Variants in LIMCH1 observed in about 807,000 individuals in gnomAD.
LIMCH1 encodes LIM and calponin homology domains 1.
In LIMCH1, 113 loss-of-function variants were observed where a neutral mutation model predicts 176.5. The ratio of observed to expected loss-of-function variants is 0.64; its 90% CI spans 0.55 to 0.75. The LOEUF (loss-of-function observed/expected upper bound fraction) is 0.75. LIMCH1 is among the 30% of genes least tolerant of loss of function. The probability of loss-of-function intolerance (pLI) is 0.00; values close to 1 mark genes in which losing one functional copy is unlikely to be tolerated. For missense variants in LIMCH1, 1,674 were observed against 1,814.9 expected (o/e 0.92, Z 1.41); for synonymous variants, 619 against 645.9 (o/e 0.96, Z 0.63).
chr4:41,572,288 G>A (rs2083682548), intron 1 of LIMCH1, among the ~76,000 whole-genome samples: 1 of 152,020 alleles, frequency 6.6e-6, no homozygotes, highest in African/African-American at 2.4e-5. Context: ...CACAGTTCGG[G>A]GGTTTAGAAA....
Position 41,577,183 on chromosome 4 carries a change from A to G in LIMCH1, c.-240-21737A>G, listed in dbSNP as rs895681309. 4.0e-5 allele frequency among the ~76,000 whole-genome samples: 6 copies of G among 151,560 alleles called. No homozygotes were observed. In the South Asian group the frequency reaches 1.2e-3, roughly 32 times the overall value. The stretch of plus-strand genomic sequence containing the variant: ...CAAATACTTCTGGAAATACGTATAA[A>G]AAACTGAAAATATTAGTTGTTTTAG... On this transcript the variant is annotated intron_variant, in intron 1 of 31. Transcript: ENST00000503057.
intron 1 of LIMCH1, among the ~76,000 whole-genome samples, chr4:41,434,763 A>G (rs2154138019): frequency 6.6e-6 from 1 of 152,302 alleles, no homozygotes; most frequent in South Asian, 2.1e-4. Context: ...ATGATCCGCC[A>G]GTCTTGGCCT....
At chr4:41,416,638 A>G (rs1002586020) in intron 1 of LIMCH1, among the ~76,000 whole-genome samples, 2 of 150,162 alleles carry the variant, frequency 1.3e-5, no homozygotes, top group Non-Finnish European at 3.0e-5. Flanking sequence ...AGCCTGGGCA[A>G]CAAACTAAGA....
intron 2 of LIMCH1, among the ~76,000 whole-genome samples, chr4:41,506,762 A>G (rs900814120): frequency 6.6e-6 from 1 of 152,196 alleles, no homozygotes; most frequent in Non-Finnish European, 1.5e-5. Context: ...TTCTTTCTTT[A>G]TACTTTCATA....
chr4:41,614,421 T>C (rs2091832426), intron 5 of LIMCH1, among the ~76,000 whole-genome samples: 1 of 152,232 alleles, frequency 6.6e-6, no homozygotes, highest in Admixed American at 6.5e-5. Flanking sequence ...GGTTTGGTTC[T>C]ACATATTCTA....
chr4:41,369,831 C>T (rs2053675294), intron 1 of LIMCH1, among the ~76,000 whole-genome samples: 1 of 152,054 alleles, frequency 6.6e-6, no homozygotes, highest in Non-Finnish European at 1.5e-5. Context: ...TCCCCACTGC[C>T]TGAGCGCTTT....
At chr4:41,671,884 CAAAAAAAAAAAAAA>C (rs34994833) in intron 22 of LIMCH1, among the ~76,000 whole-genome samples, 2 of 52,354 alleles carry the variant, frequency 3.8e-5, no homozygotes, top group South Asian at 6.5e-4. Flanking sequence ...GACTTCGTCT[CAAAAAAAAAAAAAA>C]AAAAAAAAAG....
chr4:41,653,252 G>A (rs990708536), intron 18 of LIMCH1, among the ~76,000 whole-genome samples: 1 of 151,064 alleles, frequency 6.6e-6, no homozygotes, highest in South Asian at 2.1e-4. Context: ...CACTTCTCCA[G>A]TAAACCTACT....
intron 1 of LIMCH1, among the ~76,000 whole-genome samples, chr4:41,484,615 C>T (rs1008511877): frequency 6.6e-6 from 1 of 152,208 alleles, no homozygotes; most frequent in Non-Finnish European, 1.5e-5. Flanking sequence ...TACAGATTAT[C>T]TTCAGTGAAC....
At chr4:41,695,801 G>T (rs2153100799) in intron 31 of LIMCH1, among the ~76,000 whole-genome samples, 1 of 151,886 alleles carries the variant, frequency 6.6e-6, no homozygotes, top group South Asian at 2.1e-4. Flanking sequence ...GATGTCCTAA[G>T]AAATAAATAT....
chr4:41,664,812 C>A (rs1354416640), intron 20 of LIMCH1, among the ~76,000 whole-genome samples: 1 of 152,164 alleles, frequency 6.6e-6, no homozygotes, highest in East Asian at 1.9e-4. Flanking sequence ...AAAGTGTTTT[C>A]AGGACTTCTT....
intron 1 of LIMCH1, among the ~76,000 whole-genome samples, chr4:41,379,186 T>G (rs1342883852): frequency 6.6e-6 from 1 of 152,186 alleles, no homozygotes; most frequent in Non-Finnish European, 1.5e-5. Context: ...AACAAGATGT[T>G]GGCTGGGCAG....
exon 3 of LIMCH1, chr4:41,524,428 C>A: frequency 6.2e-7 from 1 of 1,613,806 alleles, no homozygotes; most frequent in Non-Finnish European, 8.5e-7. Flanking sequence ...TGCTATAAAG[C>A]CAGGACTTGT....
intron 1 of LIMCH1, among the ~76,000 whole-genome samples, chr4:41,447,944 C>T (rs1357323199): frequency 2.0e-5 from 3 of 152,204 alleles, no homozygotes; most frequent in Non-Finnish European, 4.4e-5. Context: ...GCATGCACCA[C>T]CACGCCTGGC....
At chr4:41,534,890 A>G (rs1225075078), upstream of LIMCH1, among the ~76,000 whole-genome samples, 2 of 152,152 alleles carry the variant, frequency 1.3e-5, no homozygotes, top group Non-Finnish European at 2.9e-5. Context: ...AGACCGGTGC[A>G]GTGGCTCATG....
chr4:41,437,478 G>C (rs1257848386), intron 1 of LIMCH1, among the ~76,000 whole-genome samples: 1 of 152,188 alleles, frequency 6.6e-6, no homozygotes, highest in African/African-American at 2.4e-5. Context: ...GATGGCATTT[G>C]TAACAGATAG....
chr4:41,633,706 T>A lies in LIMCH1; in HGVS notation c.1988T>A (p.Leu663His). Residue 663 changes from leucine to histidine, a missense_variant, in exon 13 of 32, where the codon CTT (leucine) becomes CAT (histidine). Physicochemically the swap from Leu to His is moderately conservative, Grantham distance 99 (BLOSUM62 -3). Coordinates refer to ENST00000503057, the MANE Select transcript of LIMCH1 (RefSeq NM_001330672.2). ...DMMARRTGMSLRHTGSNPNQF... is the reference protein window; with the variant it reads ...DMMARRTGMSHRHTGSNPNQF... ...ATGGCCAGGAGAACTGGGATGTCCC[T>A]TAGACACACTGGATCCAACCCAAAC... 1 of 1,536,200 alleles carries A rather than the reference T, an allele frequency of 6.5e-7. No individual in the cohort carries two copies. The highest frequency in any genetic ancestry group is 8.7e-7 in the Non-Finnish European group (1 of 1,146,918).
chr4:41,451,193 G>A (rs957793113), intron 1 of LIMCH1, among the ~76,000 whole-genome samples: 31 of 152,058 alleles, frequency 2.0e-4, no homozygotes, highest in African/African-American at 3.4e-4. Context: ...TTGGCTCACC[G>A]CAACCTCCGC....
At chr4:41,448,159 G>A (rs774513641) in intron 1 of LIMCH1, among the ~76,000 whole-genome samples, 13 of 152,340 alleles carry the variant, frequency 8.5e-5, no homozygotes, top group African/African-American at 3.1e-4. Context: ...GCTTTTGGGA[G>A]CTTTTGCATT....
Sources: allele counts gnomAD v4.1 joint callset (sites outside exome capture counted in the v4.1 genomes callset), GRCh38; gene constraint gnomAD v4.1.1; transcripts MANE v1.5; gene names NCBI Gene and HGNC (gene_info 2026-07-23, HGNC 2026-07-21).